LRP6: variants seen among roughly 807,000 people sequenced by gnomAD.
LRP6 encodes the protein low-density lipoprotein receptor-related protein 6.
In LRP6, 43 loss-of-function variants were observed where a neutral mutation model predicts 184.1. That is an observed-to-expected ratio of 0.23 (90% CI 0.18 to 0.30). The LOEUF is 0.30. LRP6 is among the 10% of genes least tolerant of loss of function. The pLI, the probability that LRP6 is intolerant of heterozygous loss-of-function variation, is 1.00. For synonymous variants in LRP6, 719 were observed against 684.9 expected (o/e 1.05, Z -0.78); for missense variants, 1,571 against 2,005.3 (o/e 0.78, Z 4.14).
At chr12:12,128,283 A>C (rs1046092553) in intron 19 of LRP6, among the ~76,000 whole-genome samples, 2 of 152,040 alleles carry the variant, frequency 1.3e-5, no homozygotes, top group African/African-American at 4.8e-5. Context: ...TAATTTTACT[A>C]TTTCTGATTA....
intron 4 of LRP6, among the ~76,000 whole-genome samples, chr12:12,184,892 A>G (rs895341105): frequency 2.0e-5 from 3 of 152,244 alleles, no homozygotes; most frequent in Non-Finnish European, 4.4e-5. Context: ...AAAAAAATCA[A>G]CATAAGATGG....
intron 10 of LRP6, among the ~76,000 whole-genome samples, 174 bp from the exon 11 acceptor site, chr12:12,160,138 A>C (rs1043433823): frequency 6.6e-6 from 1 of 152,156 alleles, no homozygotes; most frequent in Non-Finnish European, 1.5e-5. Context: ...CCCTAAACTA[A>C]ATATTTTTTT....
chr12:12,246,476 A>G (rs904590415), intron 1 of LRP6, among the ~76,000 whole-genome samples: 1 of 151,820 alleles, frequency 6.6e-6, no homozygotes, highest in African/African-American at 2.4e-5. Flanking sequence ...ACTTTGGTTA[A>G]GCCCGGGAGT....
At chr12:12,229,317 C>T (rs1864714974) in intron 2 of LRP6, among the ~76,000 whole-genome samples, 1 of 147,662 alleles carries the variant, frequency 6.8e-6, no homozygotes, top group African/African-American at 2.5e-5. Flanking sequence ...TTGCTGTGAG[C>T]CGAGATCATG....
At chr12:12,201,512 G>A (rs1232661466) in intron 3 of LRP6, among the ~76,000 whole-genome samples, 1 of 152,044 alleles carries the variant, frequency 6.6e-6, no homozygotes. Flanking sequence ...CAAGTCTTAT[G>A]AGACACCCTG....
intron 12 of LRP6, among the ~76,000 whole-genome samples, chr12:12,158,017 T>C (rs1278439608): frequency 6.6e-6 from 1 of 152,204 alleles, no homozygotes; most frequent in Non-Finnish European, 1.5e-5. Flanking sequence ...AATGAAAAGA[T>C]CTGGTAACAT....
intron 3 of LRP6, among the ~76,000 whole-genome samples, chr12:12,194,399 G>A (rs1039235080): frequency 6.6e-6 from 1 of 151,974 alleles, no homozygotes; most frequent in East Asian, 1.9e-4. Flanking sequence ...GAATCACCCA[G>A]ACGACTTCAA....
intron 1 of LRP6, among the ~76,000 whole-genome samples, chr12:12,260,150 G>A (rs1188610074): frequency 2.0e-5 from 3 of 152,032 alleles, no homozygotes; most frequent in African/African-American, 7.2e-5. Context: ...AGGCCGAGGC[G>A]GCTGGATCAC....
chr12:12,161,782 C>T (rs908694208), intron 10 of LRP6, among the ~76,000 whole-genome samples: 4 of 151,840 alleles, frequency 2.6e-5, no homozygotes, highest in Admixed American at 2.0e-4. Context: ...ATAAATACTC[C>T]AAAATAAAGC....
chr12:12,259,692 A>G (rs1012912806), intron 1 of LRP6, among the ~76,000 whole-genome samples: 2 of 152,214 alleles, frequency 1.3e-5, no homozygotes, highest in Non-Finnish European at 2.9e-5. Context: ...TTATGTACTG[A>G]CAAATTGTAT....
chr12:12,159,644 T>C, intron 11 of LRP6, 136 bp downstream of exon 11: 2 of 797,042 alleles, frequency 2.5e-6, no homozygotes, highest in Non-Finnish European at 4.1e-6. Context: ...ACAAACAGGA[T>C]ACAATTCCAG....
At position 12,121,223 on chromosome 12, in the gene LRP6, T is replaced by G; in HGVS notation, c.4745A>C (p.Glu1582Ala). Residue 1582 changes from glutamate (E) to alanine (A), a missense_variant, in exon 23 of 23, where the codon GAG becomes GCG. Glu to Ala is a moderately radical substitution (Grantham distance 107). Coordinates refer to ENST00000261349, the MANE Select transcript of LRP6 (RefSeq NM_002336.3). ...AGAAGGTGGGCAGCTTTCATAGTTC[T>G]CCTCTGCTGACAAGTATTGGCTTCG... ...TPRSQYLSAE[E>A]NYESCPPSPY... 1 of 1,614,140 alleles carries G rather than the reference T, an allele frequency of 6.2e-7. No homozygotes were observed.
At chr12:12,198,534 T>C (rs921086880) in intron 3 of LRP6, among the ~76,000 whole-genome samples, 1 of 138,418 alleles carries the variant, frequency 7.2e-6, no homozygotes, top group Admixed American at 7.1e-5. Context: ...TTTTCTCTTT[T>C]TTTTTTTTTT....
chr12:12,201,552 C>A (rs888011635), intron 3 of LRP6, among the ~76,000 whole-genome samples: 1 of 152,140 alleles, frequency 6.6e-6, no homozygotes, highest in Non-Finnish European at 1.5e-5. Flanking sequence ...CTCGCATAGA[C>A]AGTGATAACA....
intron 2 of LRP6, among the ~76,000 whole-genome samples, chr12:12,227,741 A>T (rs1035488909): frequency 6.6e-5 from 10 of 152,174 alleles, no homozygotes; most frequent in African/African-American, 2.4e-4. Context: ...AACAGGTAAC[A>T]GTTTGTTCAA....
At chr12:12,131,009 A>G in intron 18 of LRP6, 116 bp from the exon 19 acceptor site, 4 of 691,594 alleles carry the variant, frequency 5.8e-6, no homozygotes, top group Non-Finnish European at 1.1e-5. Flanking sequence ...ACTTTTAGCT[A>G]TAACTTAAAT....
intron 22 of LRP6, among the ~76,000 whole-genome samples, chr12:12,123,766 C>T (rs1426262889): frequency 6.6e-6 from 1 of 152,188 alleles, no homozygotes; most frequent in Non-Finnish European, 1.5e-5. Context: ...TACAAATACA[C>T]TTTATTTATT....
At chr12:12,240,506 A>G (rs1222538229) in intron 2 of LRP6, among the ~76,000 whole-genome samples, 2 of 152,160 alleles carry the variant, frequency 1.3e-5, no homozygotes, top group East Asian at 1.9e-4. Context: ...CAGGAGGCGG[A>G]GCTTGCAGTG....
intron 14 of LRP6, 117 bp from the exon 15 acceptor site, chr12:12,147,673 T>A: frequency 1.1e-6 from 1 of 894,832 alleles, no homozygotes; most frequent in Non-Finnish European, 1.8e-6. Context: ...TTAAAAGTTT[T>A]AAAATACGTA....
Sources: allele counts gnomAD v4.1 joint callset (sites outside exome capture counted in the v4.1 genomes callset), GRCh38; gene constraint gnomAD v4.1.1; transcripts MANE v1.5; gene names NCBI Gene and HGNC (gene_info 2026-07-23, HGNC 2026-07-21).